Variants in MTMR10 observed in about 807,000 individuals in gnomAD.
MTMR10 encodes myotubularin-related protein 10.
MTMR10 carries 56 observed loss-of-function variants against 88.1 expected under a neutral mutation model. The ratio of observed to expected loss-of-function variants is 0.64; its 90% CI spans 0.51 to 0.79. MTMR10 has a LOEUF of 0.79. MTMR10 is among the 30% of genes least tolerant of loss of function. The pLI is 0.00. For synonymous variants in MTMR10, 380 were observed against 340.9 expected (o/e 1.11, Z -1.26); for missense variants, 883 against 924.7 (o/e 0.95, Z 0.58).
chr15:30,965,246 T>C (rs920130815), intron 6 of MTMR10, among the ~76,000 whole-genome samples: 2 of 152,248 alleles, frequency 1.3e-5, no homozygotes, highest in African/African-American at 2.4e-5. Flanking sequence ...ACCTTGTGTT[T>C]TTCAAATAGG....
chr15:30,948,706 A>C (rs1028243760), intron 12 of MTMR10: 2 of 560,800 alleles, frequency 3.6e-6, no homozygotes, highest in Admixed American at 3.4e-5. Flanking sequence ...CAGATAATAG[A>C]AGCTCATCAC....
At chr15:30,975,121 T>G (rs1233999228) in intron 3 of MTMR10, 118 bp from the exon 4 acceptor site, 6 of 728,978 alleles carry the variant, frequency 8.2e-6, no homozygotes, top group African/African-American at 1.8e-5. Flanking sequence ...ACAAAAAGCT[T>G]TTGTCTAGGT....
Position 30,941,308 on chromosome 15 carries a change from G to A in MTMR10, c.*162C>T. The A allele has an allele frequency of 6.6e-7, 1 of 1,524,322 alleles. No homozygotes were observed. The highest frequency in any genetic ancestry group is 8.8e-7 in the Non-Finnish European group (1 of 1,139,940). The allele number at this position is 1,524,322 out of a possible 1,614,324, so 94.4% of individuals were successfully genotyped here. Reference sequence around the variant, plus strand: ...AATTTACATCTCTCTTAAAATAAGTGTGAAAGAAGCATGATTCAACATGTT... The same window carrying A: ...AATTTACATCTCTCTTAAAATAAGTATGAAAGAAGCATGATTCAACATGTT... On this transcript the variant is annotated 3_prime_UTR_variant, in exon 16 of 16. Transcript: ENST00000435680.
chr15:30,941,233 T>A lies in MTMR10; in HGVS notation c.*237A>T. ...GTAGCAGACAACATGAACAGTTTGA[T>A]CACGGTTACAAGAGCCAGACCTGTA... On this transcript the variant is annotated 3_prime_UTR_variant, in exon 16 of 16. Transcript: ENST00000435680. 7.0e-7 allele frequency: 1 copy of A among 1,422,640 alleles called. No homozygotes were observed. Among genetic ancestry groups the A allele is most frequent in the Non-Finnish European group, 9.3e-7 (1 of 1,075,960 alleles). The allele number at this position is 1,422,640 out of a possible 1,614,324, so 88.1% of individuals were successfully genotyped here.
At chr15:30,957,845 A>G (rs752180247) in intron 9 of MTMR10, among the ~76,000 whole-genome samples, 8 of 152,220 alleles carry the variant, frequency 5.3e-5, no homozygotes, top group Non-Finnish European at 1.2e-4. Context: ...AGGGGGCTGG[A>G]GCCCAGGGGT....
intron 1 of MTMR10, 83 bp from the exon 2 acceptor site, chr15:30,990,920 G>A (rs1322968968): frequency 8.5e-7 from 1 of 1,181,722 alleles, no homozygotes. Context: ...TTTTCTAAGT[G>A]ATGACACATG....
chr15:30,923,901 A>G, the MTMR10 span, among the ~76,000 whole-genome samples: 4 of 152,184 alleles, frequency 2.6e-5, no homozygotes, highest in African/African-American at 9.7e-5. Flanking sequence ...TGTACAGTTC[A>G]GTGGCATTCA....
downstream of MTMR10, chr15:30,937,022 A>C (rs2062874398): frequency 3.3e-6 from 3 of 902,594 alleles, no homozygotes; most frequent in East Asian, 7.3e-5. Flanking sequence ...AGAGCAGAAG[A>C]GCCATTTAAA....
chr15:30,968,138 T>G, intron 5 of MTMR10, 128 bp from the exon 6 acceptor site: 1 of 619,876 alleles, frequency 1.6e-6, no homozygotes. Context: ...CATGTTTTTC[T>G]GTTGACCTAG....
chr15:30,948,703 TA>T, intron 12 of MTMR10: 1 of 561,918 alleles, frequency 1.8e-6, no homozygotes, highest in Non-Finnish European at 3.1e-6. Flanking sequence ...TGCCAGATAA[TA>T]GAAGCTCATC....
chr15:30,923,617 C>A, the MTMR10 span, among the ~76,000 whole-genome samples: 6 of 152,298 alleles, frequency 3.9e-5, no homozygotes, highest in South Asian at 2.1e-4. Flanking sequence ...TGCAGCCAGC[C>A]CCGGCCTGGC....
chr15:30,943,428 G>C (rs928630210), intron 14 of MTMR10: 16 of 984,976 alleles, frequency 1.6e-5, no homozygotes, highest in Non-Finnish European at 1.9e-5. Flanking sequence ...TTACTTTTAT[G>C]AGCACACGGT....
the MTMR10 span, among the ~76,000 whole-genome samples, chr15:30,933,216 G>A: frequency 1.3e-5 from 2 of 152,130 alleles, no homozygotes; most frequent in East Asian, 3.8e-4. Flanking sequence ...CAAGGTGGAA[G>A]CTATGGTGAT....
At chr15:30,968,415 T>A (rs1398436153) in intron 5 of MTMR10, among the ~76,000 whole-genome samples, 1 of 152,042 alleles carries the variant, frequency 6.6e-6, no homozygotes, top group Non-Finnish European at 1.5e-5. Context: ...GCATGAAACT[T>A]TAAAGTTTAC....
At chr15:30,980,308 T>C (rs2030481445) in intron 2 of MTMR10, among the ~76,000 whole-genome samples, 1 of 152,222 alleles carries the variant, frequency 6.6e-6, no homozygotes, top group South Asian at 2.1e-4. Context: ...ACCAATGAGC[T>C]ACAGCACTCA....
the MTMR10 span, chr15:30,925,949 C>A: frequency 6.2e-7 from 1 of 1,613,642 alleles, no homozygotes; most frequent in Non-Finnish European, 8.5e-7. Flanking sequence ...GGTAACTGAG[C>A]AGGCTTTCTC....
chr15:30,971,314 C>A (rs966438845), intron 5 of MTMR10, among the ~76,000 whole-genome samples: 27 of 152,292 alleles, frequency 1.8e-4, no homozygotes, highest in African/African-American at 6.3e-4. Flanking sequence ...AGCTGATAAT[C>A]TTCTCTGGAC....
chr15:30,944,076 T>C, intron 14 of MTMR10: 3 of 930,610 alleles, frequency 3.2e-6, no homozygotes, highest in Non-Finnish European at 3.8e-6. Context: ...AAACAATGAA[T>C]GTTATTAGGA....
Position 30,968,015 on chromosome 15 carries a change from G to T in MTMR10, c.475-5C>A. The T allele has an allele frequency of 6.5e-7, 1 of 1,546,278 alleles. No homozygotes were observed. ...ATGAGCTATTGCAAGGCATACCTAG[G>T]AAAAATTCTACATTTAGAATTTGAT... On this transcript the variant is annotated splice_polypyrimidine_tract_variant and splice_region_variant and intron_variant, in intron 5 of 15. Coordinates refer to ENST00000435680, the MANE Select transcript of MTMR10 (RefSeq NM_017762.3).
Sources: allele counts gnomAD v4.1 joint callset (sites outside exome capture counted in the v4.1 genomes callset), GRCh38; gene constraint gnomAD v4.1.1; transcripts MANE v1.5; gene names NCBI Gene and HGNC (gene_info 2026-07-23, HGNC 2026-07-21).